MBIP: variants seen among roughly 807,000 people sequenced by gnomAD.
MBIP encodes the protein MAP3K12-binding inhibitory protein 1.
In MBIP, 32 loss-of-function variants were observed where a neutral mutation model predicts 45.7. The ratio of observed to expected loss-of-function variants is 0.70; its 90% CI spans 0.53 to 0.94. The LOEUF is 0.94. MBIP is among the 40% of genes least tolerant of loss of function. The probability of loss-of-function intolerance (pLI) is 0.00; values close to 1 mark genes in which losing one functional copy is unlikely to be tolerated. For synonymous variants in MBIP, 145 were observed against 141.0 expected (o/e 1.03, Z -0.20); for missense variants, 381 against 405.5 (o/e 0.94, Z 0.52).
In MBIP at chr14:36,311,691, A is replaced by C; in HGVS notation, c.672T>G (p.Thr224=). 1 of 1,613,364 alleles carries C rather than the reference A, an allele frequency of 6.2e-7. No individual in the cohort carries two copies. The highest frequency in any genetic ancestry group is 8.5e-7 in the Non-Finnish European group (1 of 1,179,492). Residue 224 remains threonine (T), a synonymous_variant, in exon 6 of 9, where the codon ACT becomes ACG. Transcript: ENST00000416007. ...SRVVNTYGPQ[T]RPEGIPGSGH... is the part of the protein sequence containing the mutation. ...CTGACCCTGGAATTCCTTCAGGTCT[A>C]GTCTGTGGTCCGTATGTATTCACAA...
intron 7 of MBIP, among the ~76,000 whole-genome samples, chr14:36,302,409 ATGAACCCGGGAGGCGGAGGTTGCAG>A (rs1879617288): frequency 6.7e-6 from 1 of 149,040 alleles, no homozygotes; most frequent in Non-Finnish European, 1.5e-5. Context: ...GGAGAATGGC[ATGAACCCGGGAGGCGGAGGTTGCAG>A]TGAGCCGAGA....
chr14:36,314,261 A>T, intron 4 of MBIP: 1 of 377,102 alleles, frequency 2.7e-6, no homozygotes, highest in Non-Finnish European at 4.7e-6. Context: ...AAGGAACTTT[A>T]AAATAATCTT....
At chr14:36,320,029 C>T (rs1431659154) in intron 1 of MBIP, among the ~76,000 whole-genome samples, 1 of 152,098 alleles carries the variant, frequency 6.6e-6, no homozygotes, top group African/African-American at 2.4e-5. Context: ...AAATTACTCC[C>T]TCCCCCACCA....
intron 7 of MBIP, among the ~76,000 whole-genome samples, chr14:36,306,515 C>T (rs191718166): frequency 1.9e-3 from 294 of 152,106 alleles, no homozygotes; most frequent in African/African-American, 6.6e-3. Flanking sequence ...TCTGGTGATC[C>T]GCCCACCTTG....
intron 7 of MBIP, chr14:36,301,041 T>C (rs371046264): frequency 9.0e-6 from 3 of 333,656 alleles, no homozygotes; most frequent in South Asian, 9.7e-5. Context: ...AATAGTAATA[T>C]TGCAGCAACA....
intron 2 of MBIP, 39 bp from the exon 3 acceptor site, chr14:36,314,954 GACCAAAATTAATTACAC>G (rs752238204): frequency 8.0e-7 from 1 of 1,254,154 alleles, no homozygotes; most frequent in Non-Finnish European, 1.2e-6. Context: ...GGTTCAATCT[GACCAAAATTAATTACAC>G]ACTTAATATA....
chr14:36,318,331 C>A (rs79855793), intron 1 of MBIP, among the ~76,000 whole-genome samples: 3 of 151,952 alleles, frequency 2.0e-5, no homozygotes, highest in Non-Finnish European at 2.9e-5. Flanking sequence ...CATTTCAATT[C>A]AGCAGAATTA....
chr14:36,313,389 G>C (rs531235200), intron 4 of MBIP: 5 of 152,156 alleles, frequency 3.3e-5, no homozygotes, highest in Non-Finnish European at 7.4e-5. Context: ...GAATTGAATG[G>C]GCCAAGGAAT....
At chr14:36,319,135 A>C (rs1329808543) in intron 1 of MBIP, among the ~76,000 whole-genome samples, 2 of 152,190 alleles carry the variant, frequency 1.3e-5, no homozygotes, top group African/African-American at 4.8e-5. Flanking sequence ...ATATTTCAAA[A>C]GAAATGTTTA....
At chr14:36,309,445 C>T (rs950972973) in intron 6 of MBIP, among the ~76,000 whole-genome samples, 2 of 152,190 alleles carry the variant, frequency 1.3e-5, no homozygotes, top group Non-Finnish European at 2.9e-5. Flanking sequence ...GTTCATAAGA[C>T]TACAATGCAT....
At chr14:36,312,181 T>C (rs1200412382) in intron 4 of MBIP, among the ~76,000 whole-genome samples, 157 bp from the exon 5 acceptor site, 1 of 152,058 alleles carries the variant, frequency 6.6e-6, no homozygotes, top group East Asian at 1.9e-4. Context: ...AGGATAGAAT[T>C]TAGTGACCTT....
At chr14:36,311,150 G>T (rs1352984895) in intron 6 of MBIP, among the ~76,000 whole-genome samples, 2 of 152,154 alleles carry the variant, frequency 1.3e-5, no homozygotes, top group Non-Finnish European at 2.9e-5. Flanking sequence ...CTCAGTCTCT[G>T]CACCCAGTGA....
rs1047389725 is a variant in MBIP, at chr14:36,310,767, T to C, written c.790+806A>G. On this transcript the variant is annotated intron_variant, in intron 6 of 8. Transcript: ENST00000416007. Reference sequence around the variant, plus strand: ...AAGAAAAAGCATGGACAGAAGGGCATGAGTATAAAGATCCTAAAGCAGCAC... The same window carrying C: ...AAGAAAAAGCATGGACAGAAGGGCACGAGTATAAAGATCCTAAAGCAGCAC... Among the ~76,000 whole-genome samples the C allele has an allele frequency of 3.9e-4, 60 of 152,270 alleles. 1 individual carries two copies. The highest frequency in any genetic ancestry group is 1.3e-3 in the African/African-American group (56 of 41,548).
intron 4 of MBIP, 33 bp downstream of exon 4, chr14:36,314,479 A>G: frequency 1.4e-6 from 2 of 1,398,676 alleles, no homozygotes; most frequent in Non-Finnish European, 2.0e-6. Context: ...ATTGTGCTTA[A>G]AACCCTATGA....
Position 36,308,112 on chromosome 14 carries a change from G to A in MBIP, c.868C>T (p.Pro290Ser). ...CTCACTACAGACTGAAAATATTCAG[G>A]AGAGATGCCTTCCAATTCAAGGATT... ...DKILELEGIS[P>S]EYFQSVSFSG... is the part of the protein sequence containing the mutation. The change falls in exon 7 of 9, where the codon CCT becomes TCT. Residue 290 changes from proline (P) to serine (S), a missense_variant. Physicochemically the swap from Pro to Ser is moderately conservative, Grantham distance 74. Transcript: ENST00000416007. 1 of 1,584,028 alleles carries A rather than the reference G, an allele frequency of 6.3e-7. No homozygotes were observed. Among genetic ancestry groups the A allele is most frequent in the Middle Eastern group, 1.7e-4 (1 of 6,004 alleles).
At chr14:36,317,154 T>C (rs570935560) in intron 1 of MBIP, among the ~76,000 whole-genome samples, 1 of 152,164 alleles carries the variant, frequency 6.6e-6, no homozygotes, top group Non-Finnish European at 1.5e-5. Flanking sequence ...GAGTCCAATA[T>C]AGGCTTGCCC....
intron 4 of MBIP, among the ~76,000 whole-genome samples, chr14:36,312,504 A>G (rs548925244): frequency 1.3e-5 from 2 of 152,262 alleles, no homozygotes; most frequent in East Asian, 3.9e-4. Context: ...AGATGACCTC[A>G]AAACCTCAAG....
chr14:36,312,017 A>T lies in MBIP; in HGVS notation c.579T>A (p.Ser193Arg), dbSNP rs895846330. Residue 193 changes from serine (S) to arginine (R), a missense_variant, in exon 5 of 9, where the codon AGT becomes AGA. Transcript: ENST00000416007. ...TAAAAATCGCATCAGTTCTTGCACAACTATTTTCTAAGGAGAATTTAGATA... is the reference window on the plus strand; with the variant it reads ...TAAAAATCGCATCAGTTCTTGCACATCTATTTTCTAAGGAGAATTTAGATA... The part of the protein sequence containing the change: ...CNVIDCNQEN[S>R]CARTDAIFTP... The T allele has an allele frequency of 2.4e-5, 37 of 1,572,674 alleles. No homozygotes were observed. The highest frequency in any genetic ancestry group is 2.9e-5 in the Non-Finnish European group (34 of 1,159,428).
Position 36,311,611 on chromosome 14 carries a change from C to T in MBIP, c.752G>A (p.Arg251Gln), listed in dbSNP as rs777248661. Residue 251 changes from arginine (R) to glutamine (Q), a missense_variant, in exon 6 of 9, where the codon CGA becomes CAA. By Grantham distance (43) the Arg-to-Gln change is conservative (BLOSUM62 1). Transcript: ENST00000416007. ...CAAGTGGGCCTCAATATTTTGTAGT[C>T]GTTCTTCTACAGCCTGATTACCACA... ...RDCGNQAVEE[R>Q]LQNIEAHLRL... 9.3e-6 allele frequency: 15 copies of T among 1,612,972 alleles called. No homozygotes were observed. Among genetic ancestry groups the T allele is most frequent in the Admixed American group, 1.7e-5 (1 of 59,894 alleles).
Sources: gnomAD v4.1 joint callset for allele counts (sites outside exome capture counted in the v4.1 genomes callset) on GRCh38, gnomAD v4.1.1 for gene constraint, MANE v1.5 for transcripts, NCBI Gene and HGNC (gene_info 2026-07-23, HGNC 2026-07-21) for gene names.